ARL15: variants seen among roughly 807,000 people sequenced by gnomAD.
ARL15 encodes the protein ADP-ribosylation factor-like protein 15.
ARL15 carries 19 observed loss-of-function variants against 25.2 expected under a neutral mutation model. The observed-to-expected ratio is 0.75, with a 90% CI of 0.53 to 1.10. The LOEUF is 1.10. Ranked by LOEUF, ARL15 falls within the 50% of genes least tolerant of loss-of-function variation. ARL15 has a pLI of 0.00. For synonymous variants in ARL15, 94 were observed against 86.8 expected, an observed-to-expected ratio of 1.08 and a Z score of -0.46; for missense variants, 220 against 246.0, an observed-to-expected ratio of 0.89 and a Z score of 0.71.
intron 3 of ARL15, among the ~76,000 whole-genome samples, chr5:54,138,885 A>G (rs960586784): frequency 6.6e-6 from 1 of 152,226 alleles, no homozygotes; most frequent in Admixed American, 6.5e-5. Flanking sequence ...TCAAAAGAAG[A>G]TATACAAATG....
intron 1 of ARL15, among the ~76,000 whole-genome samples, chr5:54,233,205 C>G (rs1040474256): frequency 5.3e-5 from 8 of 152,184 alleles, no homozygotes; most frequent in Non-Finnish European, 1.2e-4. Context: ...CATTTCTGCT[C>G]TATGTAAAAG....
intron 1 of ARL15, among the ~76,000 whole-genome samples, chr5:54,303,834 A>C (rs1451266329): frequency 6.6e-6 from 1 of 152,130 alleles, no homozygotes; most frequent in Non-Finnish European, 1.5e-5. Flanking sequence ...CAAAAGTGAC[A>C]CTAGGGGGCT....
chr5:54,209,427 GGAA>G (rs917273193), intron 1 of ARL15, among the ~76,000 whole-genome samples: 4 of 150,186 alleles, frequency 2.7e-5, no homozygotes, highest in African/African-American at 7.3e-5. Flanking sequence ...AGGGAGGGAA[GGAA>G]GAAGAAGTTC....
intron 4 of ARL15, among the ~76,000 whole-genome samples, chr5:53,907,177 C>A (rs907107191): frequency 6.6e-6 from 1 of 151,968 alleles, no homozygotes; most frequent in Non-Finnish European, 1.5e-5. Context: ...TACATGGCCA[C>A]CATACCTTGA....
At chr5:54,026,002 A>G (rs2111864985) in intron 4 of ARL15, among the ~76,000 whole-genome samples, 1 of 152,338 alleles carries the variant, frequency 6.6e-6, no homozygotes, top group East Asian at 1.9e-4. Flanking sequence ...AAACAAACCA[A>G]GAAAACCTAA....
chr5:54,226,072 T>A (rs1400204620), intron 1 of ARL15, among the ~76,000 whole-genome samples: 2 of 152,062 alleles, frequency 1.3e-5, no homozygotes, highest in African/African-American at 4.8e-5. Context: ...TTCAGTGGCC[T>A]GGGATATAGA....
chr5:54,200,291 T>A (rs2112480678), intron 1 of ARL15, among the ~76,000 whole-genome samples: 1 of 144,276 alleles, frequency 6.9e-6, no homozygotes, highest in South Asian at 2.2e-4. Context: ...ACTTAAAGTA[T>A]AATAATAATT....
chr5:53,941,770 C>T (rs113997633), intron 4 of ARL15, among the ~76,000 whole-genome samples: 241 of 152,244 alleles, frequency 1.6e-3, no homozygotes, highest in African/African-American at 4.9e-3. Flanking sequence ...GGTGTTTTCT[C>T]GCTTTCTTCC....
intron 1 of ARL15, among the ~76,000 whole-genome samples, chr5:54,236,756 C>A (rs1041767677): frequency 1.3e-5 from 2 of 152,144 alleles, no homozygotes; most frequent in Non-Finnish European, 2.9e-5. Flanking sequence ...GTAATTAAAA[C>A]TCTTTAATCT....
At chr5:54,179,954 G>A (rs1217199313) in intron 1 of ARL15, among the ~76,000 whole-genome samples, 2 of 150,698 alleles carry the variant, frequency 1.3e-5, no homozygotes, top group Non-Finnish European at 2.9e-5. Flanking sequence ...GGGGACTGAG[G>A]TTGCAGTGAG....
At chr5:54,027,529 T>C (rs1749818086) in intron 4 of ARL15, among the ~76,000 whole-genome samples, 1 of 152,226 alleles carries the variant, frequency 6.6e-6, no homozygotes, top group Non-Finnish European at 1.5e-5. Context: ...AGCCTAAATA[T>C]GTGCTGAATA....
chr5:53,978,974 A>T (rs1007340136), intron 4 of ARL15, among the ~76,000 whole-genome samples: 2 of 152,192 alleles, frequency 1.3e-5, no homozygotes, highest in African/African-American at 4.8e-5. Flanking sequence ...TAAGGGTAGA[A>T]TATTAACTTC....
At chr5:54,151,287 C>T (rs1185502249) in intron 3 of ARL15, among the ~76,000 whole-genome samples, 1 of 152,140 alleles carries the variant, frequency 6.6e-6, no homozygotes, top group African/African-American at 2.4e-5. Flanking sequence ...AATGGCCCAC[C>T]AAACCACTGG....
At chr5:54,191,341 T>C (rs992353531) in intron 1 of ARL15, among the ~76,000 whole-genome samples, 2 of 152,166 alleles carry the variant, frequency 1.3e-5, no homozygotes, top group Non-Finnish European at 2.9e-5. Flanking sequence ...TCAATGGGTA[T>C]AGAATTTCAG....
rs1416772542 is a variant in ARL15, at chr5:54,029,315, CACCACCACCACCACCACT to C, written c.462+83869_462+83886del. ...AATTTATAAAAACAGTTACCACCAC[CACCACCACCACCACCACT>C]ACCACCACCACCACCACCACCACCA... On this transcript the variant is annotated intron_variant, in intron 4 of 4. Transcript: ENST00000504924. Among the ~76,000 whole-genome samples, 913 of 115,628 alleles carry C rather than the reference CACCACCACCACCACCACT, an allele frequency of 7.9e-3. 4 individuals carry two copies. The highest frequency in any genetic ancestry group is 0.012 in the African/African-American group (336 of 27,540). 75.9% of individuals were successfully genotyped at this position (115,628 alleles called of 152,430 possible).
chr5:54,137,605 T>G (rs1753642527), intron 3 of ARL15, among the ~76,000 whole-genome samples: 1 of 152,208 alleles, frequency 6.6e-6, no homozygotes, highest in Non-Finnish European at 1.5e-5. Context: ...ACAAGAAAAG[T>G]AAAAATTCAG....
At chr5:54,064,730 T>TAAAAA (rs11318177) in intron 4 of ARL15, among the ~76,000 whole-genome samples, 1 of 148,110 alleles carries the variant, frequency 6.8e-6, no homozygotes, top group Non-Finnish European at 1.5e-5. Context: ...ATCTAGTGAG[T>TAAAAA]AAAAAAAAAA....
At chr5:53,898,041 T>C (rs760522397) in intron 4 of ARL15, among the ~76,000 whole-genome samples, 7 of 152,178 alleles carry the variant, frequency 4.6e-5, no homozygotes, top group Non-Finnish European at 8.8e-5. Flanking sequence ...AGATAAAATA[T>C]ATTTACTATT....
At chr5:54,164,031 T>G (rs1754497637) in intron 2 of ARL15, among the ~76,000 whole-genome samples, 1 of 152,048 alleles carries the variant, frequency 6.6e-6, no homozygotes, top group African/African-American at 2.4e-5. Flanking sequence ...GTATAAACTT[T>G]TCTTAAAGTC....
Sources: gnomAD v4.1 joint callset for allele counts (sites outside exome capture counted in the v4.1 genomes callset) on GRCh38, gnomAD v4.1.1 for gene constraint, MANE v1.5 for transcripts, NCBI Gene and HGNC (gene_info 2026-07-23, HGNC 2026-07-21) for gene names.